SMARCAD1: variants seen among roughly 807,000 people sequenced by gnomAD.
The protein encoded by SMARCAD1 is SWI/SNF-related matrix-associated actin-dependent regulator of chromatin subfamily A containing DEAD/H box 1.
In SMARCAD1, 25 loss-of-function variants were observed where a neutral mutation model predicts 127.1. The observed-to-expected ratio is 0.20, with a 90% CI of 0.14 to 0.27. The LOEUF (loss-of-function observed/expected upper bound fraction) is 0.27. Among genes scored for constraint, SMARCAD1 ranks in the 10% least tolerant of loss-of-function variants. The pLI is 1.00. For synonymous variants in SMARCAD1, 400 were observed against 396.9 expected, an observed-to-expected ratio of 1.01 and a Z score of -0.09; for missense variants, 807 against 1,206.0, an observed-to-expected ratio of 0.67 and a Z score of 4.90.
intron 8 of SMARCAD1, among the ~76,000 whole-genome samples, chr4:94,252,189 A>G (rs997702855): frequency 6.6e-6 from 1 of 152,202 alleles, no homozygotes; most frequent in African/African-American, 2.4e-5. Flanking sequence ...AACTTAGAAT[A>G]TTGAAGATAG....
intron 6 of SMARCAD1, among the ~76,000 whole-genome samples, chr4:94,244,648 T>A (rs1748127385): frequency 6.6e-6 from 1 of 152,136 alleles, no homozygotes; most frequent in Admixed American, 6.5e-5. Context: ...CGTCAGCCTT[T>A]GAGGTTCATG....
chr4:94,284,892 A>G, intron 22 of SMARCAD1, 68 bp from the exon 23 acceptor site: 1 of 969,182 alleles, frequency 1.0e-6, no homozygotes. Flanking sequence ...GAACTCTTAA[A>G]TATAGTTTAC....
chr4:94,212,942 T>C (rs1037873513), intron 2 of SMARCAD1: 10 of 573,852 alleles, frequency 1.7e-5, no homozygotes, highest in South Asian at 4.5e-5. Context: ...CTCTGCCCCC[T>C]GATTTATTTT....
intron 23 of SMARCAD1, among the ~76,000 whole-genome samples, chr4:94,287,675 T>C (rs1755136594): frequency 6.6e-6 from 1 of 152,226 alleles, no homozygotes; most frequent in Non-Finnish European, 1.5e-5. Flanking sequence ...CTGATAAAGC[T>C]AAAATCAGAG....
chr4:94,289,904 G>A lies in SMARCAD1; in HGVS notation c.*370G>A, dbSNP rs1430751124. On this transcript the variant is annotated 3_prime_UTR_variant, in exon 24 of 24. Coordinates refer to ENST00000354268, the MANE Select transcript of SMARCAD1 (RefSeq NM_020159.5). ...TATATATTGTCTTTCACTGGATAAT[G>A]TGTGTAGATTTTTACATGTGCCTTA... 4.4e-6 allele frequency: 2 copies of A among 456,104 alleles called. No individual in the cohort carries two copies. Among genetic ancestry groups the A allele is most frequent in the Non-Finnish European group, 8.7e-6 (2 of 229,088 alleles). 28.3% of individuals were successfully genotyped at this position (456,104 alleles called of 1,614,324 possible). A position where few individuals can be genotyped will look rare whatever the true frequency, so the allele number is the denominator to read the frequency against.
chr4:94,256,629 C>T (rs1415154841), intron 9 of SMARCAD1, among the ~76,000 whole-genome samples: 2 of 152,164 alleles, frequency 1.3e-5, no homozygotes, highest in African/African-American at 4.8e-5. Context: ...TCTCCAAGTG[C>T]CGGGGTTACA....
chr4:94,221,954 CTT>C (rs1417750661), intron 2 of SMARCAD1, among the ~76,000 whole-genome samples: 6 of 152,132 alleles, frequency 3.9e-5, no homozygotes, highest in Admixed American at 2.6e-4. Flanking sequence ...GGGCAGCAAA[CTT>C]TTAGGGGAGT....
rs1748993923 is a variant in SMARCAD1 at position 94,249,742 on chromosome 4, A to G, written c.794A>G (p.Asn265Ser). 3 of 1,593,086 alleles carry G rather than the reference A, an allele frequency of 1.9e-6. No homozygotes were observed. The highest frequency in any genetic ancestry group is 1.7e-4 in the Middle Eastern group (1 of 5,964). Residue 265 changes from asparagine to serine, a missense_variant, in exon 7 of 24, where the codon AAT becomes AGT. Asn to Ser is a conservative substitution (Grantham distance 46, BLOSUM62 1). This residue lies in a region of SMARCAD1 where 257 missense variants were observed against 303.4 expected (regional missense o/e 0.85). Transcript: ENST00000354268. ...CTGAAATTGCAAAAGGAATTTCCCA[A>G]TTTTGATAAACAGGTGAGTAGTCGT... is the stretch of plus-strand genomic sequence containing the variant. Reference protein sequence around the residue: ...IVLKLQKEFPNFDKQELREVL... With the variant: ...IVLKLQKEFPSFDKQELREVL...
intron 2 of SMARCAD1, among the ~76,000 whole-genome samples, chr4:94,224,408 G>T (rs1208083534): frequency 1.3e-5 from 2 of 152,092 alleles, no homozygotes; most frequent in Admixed American, 1.3e-4. Flanking sequence ...TGGAATATTT[G>T]CATATACATA....
intron 2 of SMARCAD1, among the ~76,000 whole-genome samples, chr4:94,223,307 A>G (rs950183368): frequency 1.3e-5 from 2 of 151,984 alleles, no homozygotes; most frequent in African/African-American, 4.8e-5. Flanking sequence ...AGCCTGGCAG[A>G]TATGGTGAAA....
intron 4 of SMARCAD1, among the ~76,000 whole-genome samples, chr4:94,234,908 A>G (rs894056109): frequency 6.6e-6 from 1 of 152,148 alleles, no homozygotes; most frequent in African/African-American, 2.4e-5. Flanking sequence ...CTAGTATACT[A>G]TAGAGTACAT....
At chr4:94,229,456 G>A (rs922785344) in intron 3 of SMARCAD1, among the ~76,000 whole-genome samples, 1 of 151,910 alleles carries the variant, frequency 6.6e-6, no homozygotes, top group African/African-American at 2.4e-5. Flanking sequence ...ATTCATTTTG[G>A]TGCACAAATT....
At chr4:94,276,575 AAT>A in intron 15 of SMARCAD1, 101 bp downstream of exon 15, 3 of 1,422,586 alleles carry the variant, frequency 2.1e-6, no homozygotes, top group Non-Finnish European at 2.9e-6. Context: ...TATGTAGTTT[AAT>A]ATATGTAGTA....
At chr4:94,253,110 G>A in intron 9 of SMARCAD1, 103 bp downstream of exon 9, 26 of 1,566,882 alleles carry the variant, frequency 1.7e-5, no homozygotes, top group Non-Finnish European at 2.3e-5. Flanking sequence ...ATAGATGGGT[G>A]GCCTTATCCT....
chr4:94,279,226 A>G (rs1753687387), intron 19 of SMARCAD1, among the ~76,000 whole-genome samples, 176 bp downstream of exon 19: 1 of 152,156 alleles, frequency 6.6e-6, no homozygotes, highest in African/African-American at 2.4e-5. Context: ...GGCTCACTGC[A>G]ACTTCTGCCT....
rs1560504720 is a variant in SMARCAD1, at chr4:94,208,553, C to T, written c.159C>T (p.Asn53=). Residue 53 remains asparagine, a synonymous_variant, in exon 2 of 24, where the codon AAC becomes AAT. Transcript: ENST00000354268. ...ENAEGEVSRA[N]TPDSDITEKT... is the part of the protein sequence containing the mutation. ...CTGAAGGGGAAGTTAGCAGGGCAAA[C>T]ACTCCTGATTCAGATATAACTGAAA... The T allele has an allele frequency of 1.2e-6, 2 of 1,614,124 alleles. No individual in the cohort carries two copies. Among genetic ancestry groups the T allele is most frequent in the South Asian group, 2.2e-5 (2 of 91,074 alleles).
Position 94,238,687 on chromosome 4 carries a change from A to G in SMARCAD1, c.604+1669A>G, listed in dbSNP as rs953006735. 2.0e-5 allele frequency among the ~76,000 whole-genome samples: 3 copies of G among 152,202 alleles called. No homozygotes were observed. The South Asian group carries it at 6.2e-4, about 32-fold the overall frequency. ...GCTCAGTGAACATTTGTTGAGCTGCAAAATAGCTTGGGAAGTTTTGTAGCT... is the reference window on the plus strand; with the variant it reads ...GCTCAGTGAACATTTGTTGAGCTGCGAAATAGCTTGGGAAGTTTTGTAGCT... On this transcript the variant is annotated intron_variant, in intron 5 of 23. Coordinates refer to ENST00000354268, the MANE Select transcript of SMARCAD1 (RefSeq NM_020159.5).
intron 12 of SMARCAD1, 105 bp downstream of exon 12, chr4:94,273,821 T>C (rs1752882691): frequency 1.2e-6 from 1 of 832,218 alleles, no homozygotes; most frequent in Admixed American, 2.1e-5. Context: ...GGTTTCTTAG[T>C]TTGTAGAGAT....
intron 16 of SMARCAD1, among the ~76,000 whole-genome samples, chr4:94,277,905 G>A (rs1753524360): frequency 6.6e-6 from 1 of 152,062 alleles, no homozygotes; most frequent in Admixed American, 6.6e-5. Context: ...ATAATATATG[G>A]AGGACTCCTT....
Sources: gnomAD v4.1 joint callset for allele counts (sites outside exome capture counted in the v4.1 genomes callset) on GRCh38, gnomAD v4.1.1 for gene constraint, gnomAD v4.1.1 regional missense constraint, MANE v1.5 for transcripts, NCBI Gene and HGNC (gene_info 2026-07-23, HGNC 2026-07-21) for gene names.